Variants in ATF2 observed in about 807,000 individuals in gnomAD.
The protein encoded by ATF2 is cyclic AMP-dependent transcription factor ATF-2.
A neutral mutation model predicts 60.6 loss-of-function variants in ATF2; 24 were observed. The observed-to-expected ratio is 0.40, with a 90% CI of 0.29 to 0.56. The LOEUF (loss-of-function observed/expected upper bound fraction) is 0.56, where lower values mean the gene tolerates loss of function less well. Ranked by LOEUF, ATF2 falls within the 20% of genes least tolerant of loss-of-function variation. ATF2 has a pLI of 0.54. For synonymous variants in ATF2, 206 were observed against 215.4 expected (o/e 0.96, Z 0.38); for missense variants, 433 against 607.7 (o/e 0.71, Z 3.02).
intron 13 of ATF2, among the ~76,000 whole-genome samples, chr2:175,078,283 T>C (rs1220542754): frequency 6.6e-6 from 1 of 151,688 alleles, no homozygotes; most frequent in Non-Finnish European, 1.5e-5. Flanking sequence ...ATACATATTT[T>C]CAGTAATAAA....
chr2:175,148,547 G>C (rs1699098886), intron 2 of ATF2, among the ~76,000 whole-genome samples: 1 of 152,058 alleles, frequency 6.6e-6, no homozygotes, highest in African/African-American at 2.4e-5. Flanking sequence ...AACTAGTTAA[G>C]GCCATGATGG....
chr2:175,083,337 A>G (rs1021903615), intron 12 of ATF2, among the ~76,000 whole-genome samples: 4 of 152,192 alleles, frequency 2.6e-5, no homozygotes, highest in African/African-American at 9.7e-5. Flanking sequence ...CTCAGAAATA[A>G]CGCCGCATAT....
chr2:175,150,029 A>G (rs1263541309), intron 2 of ATF2, among the ~76,000 whole-genome samples: 1 of 152,186 alleles, frequency 6.6e-6, no homozygotes, highest in Non-Finnish European at 1.5e-5. Context: ...AATGGAGCTT[A>G]TATTTTATGA....
intron 10 of ATF2, among the ~76,000 whole-genome samples, chr2:175,107,908 G>A (rs957942560): frequency 6.6e-6 from 1 of 152,140 alleles, no homozygotes; most frequent in Non-Finnish European, 1.5e-5. Context: ...GCGTGATCTC[G>A]GCTCGCTACA....
At chr2:175,158,029 C>T (rs1699794840) in intron 1 of ATF2, among the ~76,000 whole-genome samples, 1 of 151,738 alleles carries the variant, frequency 6.6e-6, no homozygotes, top group Non-Finnish European at 1.5e-5. Flanking sequence ...ATCATGTAGG[C>T]ACAGCCAAGG....
intron 5 of ATF2, among the ~76,000 whole-genome samples, chr2:175,121,069 T>C (rs1696926319): frequency 6.6e-6 from 1 of 151,782 alleles, no homozygotes; most frequent in Admixed American, 6.6e-5. Context: ...TGGGAGAAGC[T>C]TGATCATTTT....
Position 175,093,045 on chromosome 2 carries a change from C to T in ATF2, c.1185+16G>A, listed in dbSNP as rs771660506. 2.5e-6 allele frequency: 4 copies of T among 1,599,536 alleles called. No homozygotes were observed. The East Asian group carries it at 6.7e-5, about 27-fold the overall frequency. On this transcript the variant is annotated intron_variant, in intron 12 of 13. Coordinates refer to ENST00000264110, the MANE Select transcript of ATF2 (RefSeq NM_001880.4). ...TAAAAAAGAAATAAAACAAAATTCA[C>T]ATATATGCACCATACCTGCAGCTGA... is the stretch of plus-strand genomic sequence containing the variant.
At chr2:175,156,712 TAG>T (rs928233562) in intron 1 of ATF2, among the ~76,000 whole-genome samples, 3 of 152,184 alleles carry the variant, frequency 2.0e-5, no homozygotes, top group African/African-American at 4.8e-5. Context: ...GATTCTTCCC[TAG>T]AGACTCCAAA....
chr2:175,138,231 T>C (rs1192340930), intron 2 of ATF2, among the ~76,000 whole-genome samples: 1 of 152,214 alleles, frequency 6.6e-6, no homozygotes, highest in Admixed American at 6.5e-5. Flanking sequence ...TAACATTTCT[T>C]TATCTTCCTT....
chr2:175,150,663 G>A (rs1050594292), intron 2 of ATF2, among the ~76,000 whole-genome samples: 1 of 149,586 alleles, frequency 6.7e-6, no homozygotes, highest in African/African-American at 2.5e-5. Flanking sequence ...GCCCTAGAGT[G>A]GGTAAACTTT....
At chr2:175,150,766 T>C (rs1312564094) in intron 2 of ATF2, among the ~76,000 whole-genome samples, 1 of 152,176 alleles carries the variant, frequency 6.6e-6, no homozygotes, top group Non-Finnish European at 1.5e-5. Context: ...CGGAACCCTT[T>C]GCTAAAGAGG....
At chr2:175,114,166 A>G (rs1464529920) in intron 8 of ATF2, 58 bp from the exon 9 acceptor site, 1 of 1,517,184 alleles carries the variant, frequency 6.6e-7, no homozygotes, top group South Asian at 1.2e-5. Context: ...ACTGTCTCTT[A>G]AAAATACAAT....
chr2:175,152,640 G>C (rs1699389999), intron 1 of ATF2, among the ~76,000 whole-genome samples: 1 of 152,164 alleles, frequency 6.6e-6, no homozygotes, highest in African/African-American at 2.4e-5. Flanking sequence ...ACTTAACTTT[G>C]ATTTCCTGAC....
chr2:175,163,493 G>C (rs182276586), intron 1 of ATF2, among the ~76,000 whole-genome samples: 19 of 151,924 alleles, frequency 1.3e-4, no homozygotes, highest in Admixed American at 3.9e-4. Flanking sequence ...GTATTCCTTG[G>C]GTAGAAAGGC....
chr2:175,101,520 G>C (rs1025427912), intron 10 of ATF2, among the ~76,000 whole-genome samples: 1 of 152,132 alleles, frequency 6.6e-6, no homozygotes, highest in Non-Finnish European at 1.5e-5. Context: ...GTTTGGAAAA[G>C]ATTTTTAAGT....
At chr2:175,090,351 A>G (rs1047256098) in intron 12 of ATF2, among the ~76,000 whole-genome samples, 5 of 152,180 alleles carry the variant, frequency 3.3e-5, no homozygotes, top group Non-Finnish European at 7.4e-5. Context: ...TTATGGTGGA[A>G]TAATATTCCA....
At chr2:175,160,163 T>C (rs1699928340) in intron 1 of ATF2, among the ~76,000 whole-genome samples, 1 of 152,144 alleles carries the variant, frequency 6.6e-6, no homozygotes, top group Non-Finnish European at 1.5e-5. Flanking sequence ...GATGGGAGGA[T>C]TACTTGAGGC....
At chr2:175,115,029 A>C (rs1361742390) in intron 7 of ATF2, among the ~76,000 whole-genome samples, 161 bp from the exon 8 acceptor site, 3 of 152,220 alleles carry the variant, frequency 2.0e-5, no homozygotes, top group Non-Finnish European at 4.4e-5. Context: ...GAAGAGCTGT[A>C]AAGATTCAAA....
At chr2:175,120,603 C>T (rs1153673) in intron 5 of ATF2, among the ~76,000 whole-genome samples, 32,062 of 151,392 alleles carry the variant, frequency 0.21, 4,180 homozygotes, top group African/African-American at 0.37. Context: ...ACTTATATGA[C>T]ATATAACAAG....
Sources: allele counts gnomAD v4.1 joint callset (sites outside exome capture counted in the v4.1 genomes callset), GRCh38; gene constraint gnomAD v4.1.1; transcripts MANE v1.5; gene names NCBI Gene and HGNC (gene_info 2026-07-23, HGNC 2026-07-21).